The following PRIMA1 variants were observed in gnomAD, a reference collection of about 807,000 sequenced individuals.
The protein encoded by PRIMA1 is proline rich membrane anchor 1.
A neutral mutation model predicts 17.5 loss-of-function variants in PRIMA1; 7 were observed. The observed-to-expected ratio is 0.40, with a 90% CI of 0.23 to 0.75. PRIMA1 has a LOEUF of 0.75. PRIMA1 is among the 30% of genes least tolerant of loss of function. The pLI is 0.37. For missense variants in PRIMA1, 200 were observed against 201.8 expected, an observed-to-expected ratio of 0.99 and a Z score of 0.05; for synonymous variants, 97 against 77.9, an observed-to-expected ratio of 1.25 and a Z score of -1.29.
chr14:93,738,075 G>T (rs540772673), intron 3 of PRIMA1, among the ~76,000 whole-genome samples: 1 of 152,288 alleles, frequency 6.6e-6, no homozygotes, highest in South Asian at 2.1e-4. Flanking sequence ...GATTCAGCCC[G>T]TGGGGTGGGT....
At chr14:93,728,846 G>A (rs2076096551) in intron 4 of PRIMA1, among the ~76,000 whole-genome samples, 1 of 152,202 alleles carries the variant, frequency 6.6e-6, no homozygotes, top group African/African-American at 2.4e-5. Context: ...GGCAGATGAA[G>A]CAGGCTCGTC....
At chr14:93,753,041 G>A (rs940372486) in intron 3 of PRIMA1, among the ~76,000 whole-genome samples, 4 of 152,196 alleles carry the variant, frequency 2.6e-5, no homozygotes, top group African/African-American at 9.7e-5. Context: ...GATGTCCCCT[G>A]GGAAACTAAG....
intron 2 of PRIMA1, among the ~76,000 whole-genome samples, 188 bp downstream of exon 2, chr14:93,787,438 C>A (rs1001682273): frequency 7.2e-5 from 11 of 152,222 alleles, no homozygotes; most frequent in Admixed American, 3.9e-4. Flanking sequence ...CAATCGAAGC[C>A]TCTCTTTGGA....
intron 3 of PRIMA1, among the ~76,000 whole-genome samples, chr14:93,744,194 C>T (rs921515947): frequency 2.0e-5 from 3 of 152,342 alleles, no homozygotes; most frequent in Middle Eastern, 3.4e-3. Flanking sequence ...CCACAAAGGA[C>T]GCGGTTTCTC....
At chr14:93,780,025 A>G (rs1442732698) in intron 2 of PRIMA1, among the ~76,000 whole-genome samples, 1 of 152,202 alleles carries the variant, frequency 6.6e-6, no homozygotes, top group Non-Finnish European at 1.5e-5. Flanking sequence ...AAGGTCTGCA[A>G]GGGGCGATCC....
intron 3 of PRIMA1, among the ~76,000 whole-genome samples, chr14:93,778,467 G>C (rs536709626): frequency 2.0e-5 from 3 of 152,330 alleles, no homozygotes; most frequent in South Asian, 4.1e-4. Context: ...ATTCCATGGA[G>C]ATGTGTTTAA....
chr14:93,733,149 G>A (rs761524423), intron 4 of PRIMA1, among the ~76,000 whole-genome samples: 1 of 152,194 alleles, frequency 6.6e-6, no homozygotes, highest in African/African-American at 2.4e-5. Context: ...GCCACTGCTC[G>A]TGCTCATGCA....
At chr14:93,733,471 C>T (rs898831776) in intron 4 of PRIMA1, among the ~76,000 whole-genome samples, 19 of 152,298 alleles carry the variant, frequency 1.2e-4, no homozygotes, top group Admixed American at 6.5e-4. Context: ...ACTCAGCCCT[C>T]GGTGCCGCCC....
chr14:93,748,644 C>CG, intron 3 of PRIMA1, among the ~76,000 whole-genome samples: 1 of 152,258 alleles, frequency 6.6e-6, no homozygotes, highest in East Asian at 1.9e-4. Flanking sequence ...TGTGCCCTTC[C>CG]ATCTATGGCT....
chr14:93,739,272 G>A (rs928252853), intron 3 of PRIMA1, among the ~76,000 whole-genome samples: 30 of 152,114 alleles, frequency 2.0e-4, no homozygotes, highest in African/African-American at 6.3e-4. Flanking sequence ...GGCTGGTCTC[G>A]AACTCCTGAC....
At position 93,719,480 on chromosome 14, in the gene PRIMA1, G is replaced by A. The variant is rs1437216030; in HGVS notation, c.*1964C>T. 6.6e-6 allele frequency: 1 copy of A among 152,374 alleles called. No homozygotes were observed. Among genetic ancestry groups the A allele is most frequent in the Admixed American group, 6.5e-5 (1 of 15,286 alleles). 9.4% of individuals were successfully genotyped at this position (152,374 alleles called of 1,614,324 possible). A position where few individuals can be genotyped will look rare whatever the true frequency, so the allele number is the denominator to read the frequency against. The stretch of plus-strand genomic sequence containing the variant: ...ACTCCTGAGCTTCTGGACAGCCCAA[G>A]GCATGGGCACTTTCTCATGGTTGCA... On this transcript the variant is annotated 3_prime_UTR_variant, in exon 5 of 5. Coordinates refer to ENST00000393140, the MANE Select transcript of PRIMA1 (RefSeq NM_178013.4).
chr14:93,774,209 G>A (rs975155517), intron 3 of PRIMA1, among the ~76,000 whole-genome samples: 27 of 152,244 alleles, frequency 1.8e-4, no homozygotes, highest in Admixed American at 2.0e-4. Flanking sequence ...GGGTGGCCCA[G>A]CAGTGGGGTG....
At chr14:93,780,195 C>T (rs915708214) in intron 2 of PRIMA1, among the ~76,000 whole-genome samples, 1 of 152,230 alleles carries the variant, frequency 6.6e-6, no homozygotes, top group Non-Finnish European at 1.5e-5. Context: ...CTCAGCTTGG[C>T]GATGACCTCA....
At chr14:93,722,056 G>A (rs2076042656) in intron 4 of PRIMA1, among the ~76,000 whole-genome samples, 1 of 123,780 alleles carries the variant, frequency 8.1e-6, no homozygotes, top group African/African-American at 2.9e-5. Context: ...TGGTGATGCT[G>A]GTGGTAATGG....
intron 4 of PRIMA1, among the ~76,000 whole-genome samples, chr14:93,721,768 C>T (rs951401700): frequency 2.2e-4 from 34 of 152,196 alleles, no homozygotes; most frequent in Non-Finnish European, 4.0e-4. Flanking sequence ...TCATGAAAAC[C>T]GGGGCACAGT....
intron 3 of PRIMA1, among the ~76,000 whole-genome samples, chr14:93,748,233 G>C (rs1839072824): frequency 6.6e-6 from 1 of 152,144 alleles, no homozygotes; most frequent in Admixed American, 6.5e-5. Context: ...AGTGAGAGCA[G>C]GGAGAGAGGG....
rs988179953 is a variant in PRIMA1 at position 93,788,416 on chromosome 14, T to C, written c.-38A>G. On this transcript the variant is annotated 5_prime_UTR_variant, in exon 1 of 5. Coordinates refer to ENST00000393140, the MANE Select transcript of PRIMA1 (RefSeq NM_178013.4). ...TTCCAACGCCTCACGCTACCTTGCC[T>C]GGCGGCGGCCCCAGCCGACCCTGGG... is the stretch of plus-strand genomic sequence containing the variant. 6.6e-6 allele frequency: 1 copy of C among 152,346 alleles called. No individual in the cohort carries two copies. The highest frequency in any genetic ancestry group is 2.1e-4 in the South Asian group (1 of 4,844). 9.4% of individuals were successfully genotyped at this position (152,346 alleles called of 1,614,324 possible). A position where few individuals can be genotyped will look rare whatever the true frequency, so the allele number is the denominator to read the frequency against.
chr14:93,738,723 CTG>C (rs2076166524), intron 3 of PRIMA1, among the ~76,000 whole-genome samples: 1 of 152,164 alleles, frequency 6.6e-6, no homozygotes. Context: ...GTACCATCCT[CTG>C]AGCTTTGACA....
At chr14:93,735,564 A>G (rs2076144386) in intron 4 of PRIMA1, among the ~76,000 whole-genome samples, 1 of 152,206 alleles carries the variant, frequency 6.6e-6, no homozygotes, top group South Asian at 2.1e-4. Flanking sequence ...CTGTAGGCAC[A>G]GCCTCTGTCT....
Sources: allele counts gnomAD v4.1 joint callset (sites outside exome capture counted in the v4.1 genomes callset), GRCh38; gene constraint gnomAD v4.1.1; transcripts MANE v1.5; gene names NCBI Gene and HGNC (gene_info 2026-07-23, HGNC 2026-07-21).